MYZAP: variants seen among roughly 807,000 people sequenced by gnomAD.
MYZAP encodes the protein GRINL1A complex locus upstream.
A neutral mutation model predicts 69.4 loss-of-function variants in MYZAP; 66 were observed. The observed-to-expected ratio is 0.95, with a 90% CI of 0.78 to 1.17. The LOEUF is 1.17. Among genes scored for constraint, MYZAP ranks in the 50% most tolerant of loss-of-function variants. The pLI, the probability that MYZAP is intolerant of heterozygous loss-of-function variation, is 0.00. For missense variants in MYZAP, 611 were observed against 556.2 expected (o/e 1.10, Z -0.99); for synonymous variants, 256 against 205.9 (o/e 1.24, Z -2.09).
intron 11 of MYZAP, among the ~76,000 whole-genome samples, chr15:57,667,257 T>C (rs561019425): frequency 6.6e-6 from 1 of 152,288 alleles, no homozygotes; most frequent in Admixed American, 6.5e-5. Context: ...ACACATTCAG[T>C]GTATGTGCTA....
intron 10 of MYZAP, among the ~76,000 whole-genome samples, chr15:57,643,011 G>T (rs1026692540): frequency 1.3e-5 from 2 of 152,126 alleles, no homozygotes. Flanking sequence ...CTAGGCTAGG[G>T]CTTTCTACTG....
chr15:57,646,215 G>A (rs1244817077), intron 10 of MYZAP: 1 of 1,289,148 alleles, frequency 7.8e-7, no homozygotes, highest in Non-Finnish European at 1.0e-6. Flanking sequence ...GCTCTGGGTT[G>A]GAAGCGATTC....
chr15:57,639,579 T>A lies in MYZAP; in HGVS notation c.1119+34T>A, dbSNP rs116038338. 9.0e-4 allele frequency: 1,434 copies of A among 1,601,078 alleles called. 11 individuals carry two copies. In the African/African-American group the frequency reaches 0.014, roughly 15 times the overall value. Reference sequence around the variant, plus strand: ...CTGCAAAAGGTCACAGGCCTGGGATTGCTTCCTGTGGTGGGGAAGCATCCC... The same window carrying A: ...CTGCAAAAGGTCACAGGCCTGGGATAGCTTCCTGTGGTGGGGAAGCATCCC... On this transcript the variant is annotated intron_variant, in intron 10 of 12. Transcript: ENST00000267853.
chr15:57,625,522 C>A (rs1595881902), intron 4 of MYZAP, among the ~76,000 whole-genome samples: 1 of 152,210 alleles, frequency 6.6e-6, no homozygotes. Context: ...TTCTTCCTTA[C>A]AAAGGACAAC....
chr15:57,613,080 T>C (rs6493936), intron 2 of MYZAP, among the ~76,000 whole-genome samples: 120,070 of 151,834 alleles, frequency 0.79, 47,902 homozygotes, highest in East Asian at 0.93. Context: ...TACAGGCGCC[T>C]GCCACCACGC....
In MYZAP at chr15:57,681,065, G is replaced by C. The variant is rs150582718; in HGVS notation, c.1305-3337G>C. Among the ~76,000 whole-genome samples, 366 of 152,250 alleles carry C rather than the reference G, an allele frequency of 2.4e-3. 3 individuals carry two copies. Among genetic ancestry groups the C allele is most frequent in the African/African-American group, 8.3e-3 (346 of 41,564 alleles). ...TACCCCACTTCTTTTTTAAAAGATC[G>C]GGATATGAGAGCCTGTTTTTGAACC... On this transcript the variant is annotated intron_variant, in intron 12 of 12. Transcript: ENST00000267853.
At chr15:57,645,035 A>T (rs1171701316) in intron 10 of MYZAP, among the ~76,000 whole-genome samples, 1 of 152,218 alleles carries the variant, frequency 6.6e-6, no homozygotes, top group Non-Finnish European at 1.5e-5. Flanking sequence ...GCTTTAAATT[A>T]TTCACTTCTG....
intron 8 of MYZAP, among the ~76,000 whole-genome samples, chr15:57,635,895 A>T (rs1315018389): frequency 6.6e-6 from 1 of 152,172 alleles, no homozygotes; most frequent in Non-Finnish European, 1.5e-5. Flanking sequence ...TATTTCAAAC[A>T]CCTTTTTTTC....
intron 11 of MYZAP, among the ~76,000 whole-genome samples, chr15:57,673,568 G>C (rs2038979392): frequency 6.6e-6 from 1 of 150,604 alleles, no homozygotes; most frequent in Non-Finnish European, 1.5e-5. Context: ...TGAGGTGATA[G>C]ATTCAGAACC....
chr15:57,634,896 G>A (rs549173312), intron 8 of MYZAP, among the ~76,000 whole-genome samples: 1 of 152,116 alleles, frequency 6.6e-6, no homozygotes, highest in Non-Finnish European at 1.5e-5. Flanking sequence ...GTGAAGATTG[G>A]GCAACAAGGG....
At chr15:57,630,874 A>AAGGTGGT (rs2140433094) in intron 6 of MYZAP, among the ~76,000 whole-genome samples, 1 of 152,318 alleles carries the variant, frequency 6.6e-6, no homozygotes, top group African/African-American at 2.4e-5. Context: ...GAGGGAGTGA[A>AAGGTGGT]AGGTGGTACT....
At chr15:57,599,489 C>A in intron 1 of MYZAP, 1 of 1,196,990 alleles carries the variant, frequency 8.4e-7, no homozygotes, top group Non-Finnish European at 1.1e-6. Flanking sequence ...AACCCTTGCC[C>A]CCAGGGACAG....
chr15:57,639,464 A>G lies in MYZAP; in HGVS notation c.1038A>G (p.Ser346=). The change falls in exon 10 of 13, where the codon TCA becomes TCG. Residue 346 remains serine, a synonymous_variant. Transcript: ENST00000267853. ...GGTATCAGCAGTTGGAGGAGGCATC[A>G]GCCAGCCTCCGTGAGCGGATCAGAC... The part of the protein sequence containing the change: ...KERYQQLEEA[S]ASLRERIRHL... 6.2e-7 allele frequency: 1 copy of G among 1,614,088 alleles called. No individual in the cohort carries two copies. Among genetic ancestry groups the G allele is most frequent in the Non-Finnish European group, 8.5e-7 (1 of 1,179,982 alleles).
intron 1 of MYZAP, among the ~76,000 whole-genome samples, chr15:57,602,732 GCT>G (rs1328317815): frequency 6.6e-6 from 1 of 152,172 alleles, no homozygotes; most frequent in East Asian, 1.9e-4. Flanking sequence ...TCAAATCTCA[GCT>G]CTGTCATTTC....
intron 11 of MYZAP, among the ~76,000 whole-genome samples, chr15:57,670,863 T>C (rs2038835521): frequency 6.6e-6 from 1 of 152,092 alleles, no homozygotes; most frequent in Admixed American, 6.5e-5. Flanking sequence ...TCTTTTAAAA[T>C]GTAGAAGTCT....
chr15:57,623,589 C>T lies in MYZAP; in HGVS notation c.411+1889C>T, dbSNP rs912494351. ...CTCTACTAAAAATACAAAAATTAGCCGGGCATGGTGGTGCAGGCCTGTAAT... is the reference window on the plus strand; with the variant it reads ...CTCTACTAAAAATACAAAAATTAGCTGGGCATGGTGGTGCAGGCCTGTAAT... On this transcript the variant is annotated intron_variant, in intron 4 of 12. Coordinates refer to ENST00000267853, the MANE Select transcript of MYZAP (RefSeq NM_001018100.5). Among the ~76,000 whole-genome samples the T allele has an allele frequency of 3.3e-5, 5 of 151,828 alleles. No individual in the cohort carries two copies. In the South Asian group the frequency reaches 6.3e-4, roughly 19 times the overall value.
intron 1 of MYZAP, chr15:57,599,418 G>A: frequency 1.8e-6 from 2 of 1,105,194 alleles, no homozygotes; most frequent in African/African-American, 1.6e-5. Context: ...AGTAATAGGT[G>A]CTCAGTAACT....
intron 1 of MYZAP, among the ~76,000 whole-genome samples, chr15:57,600,661 A>G (rs1459165900): frequency 6.6e-6 from 1 of 152,258 alleles, no homozygotes; most frequent in Non-Finnish European, 1.5e-5. Context: ...ACCGAAAGTC[A>G]TCACTTACAG....
At chr15:57,635,821 C>G (rs1233002147) in intron 8 of MYZAP, among the ~76,000 whole-genome samples, 1 of 152,208 alleles carries the variant, frequency 6.6e-6, no homozygotes, top group Non-Finnish European at 1.5e-5. Context: ...AAGGACAAAC[C>G]ATGTGCTTTT....
Sources: gnomAD v4.1 joint callset for allele counts (sites outside exome capture counted in the v4.1 genomes callset) on GRCh38, gnomAD v4.1.1 for gene constraint, MANE v1.5 for transcripts, NCBI Gene and HGNC (gene_info 2026-07-23, HGNC 2026-07-21) for gene names.